ABCG8: variants seen among roughly 807,000 people sequenced by gnomAD.
ABCG8 encodes the protein ATP binding cassette subfamily G member 8.
Under a neutral mutation model 71.3 loss-of-function variants are expected in ABCG8, and 81 were observed. The ratio of observed to expected loss-of-function variants is 1.14; its 90% CI spans 0.95 to 1.37. ABCG8 has a LOEUF of 1.37. Among genes scored for constraint, ABCG8 ranks in the 40% most tolerant of loss-of-function variants. The pLI is 0.00. For missense variants in ABCG8, 1,119 were observed against 866.2 expected (o/e 1.29, Z -3.66); for synonymous variants, 451 against 354.7 (o/e 1.27, Z -3.05).
At chr2:43,861,820 C>T (rs1669330244) in intron 6 of ABCG8, among the ~76,000 whole-genome samples, 1 of 151,172 alleles carries the variant, frequency 6.6e-6, no homozygotes, top group African/African-American at 2.4e-5. Context: ...GGATAGAATT[C>T]TCACTCTCTG....
Position 43,881,231 on chromosome 2 carries a change from G to C in ABCG8, c.*3318G>C, listed in dbSNP as rs1351306469. ...AAAAGGGCAAAGTGCAAAGGCAGGAGGGATGGAGAAAATATAGCAGCTGCC... is the reference window on the plus strand; with the variant it reads ...AAAAGGGCAAAGTGCAAAGGCAGGACGGATGGAGAAAATATAGCAGCTGCC... On this transcript the variant is annotated 3_prime_UTR_variant, in exon 13 of 13. Coordinates refer to ENST00000272286, the MANE Select transcript of ABCG8 (RefSeq NM_022437.3). 3.3e-5 allele frequency: 5 copies of C among 152,278 alleles called. No individual in the cohort carries two copies. The allele number at this position is 152,278 out of a possible 1,614,324, so 9.4% of individuals were successfully genotyped here. A position where few individuals can be genotyped will look rare whatever the true frequency, so the allele number is the denominator to read the frequency against.
intron 6 of ABCG8, among the ~76,000 whole-genome samples, chr2:43,858,905 A>G (rs575572324): frequency 2.0e-5 from 3 of 151,594 alleles, no homozygotes; most frequent in African/African-American, 7.2e-5. Context: ...TCTGGATAGA[A>G]TTCTCACCCT....
Position 43,877,786 on chromosome 2 carries a change from T to G in ABCG8, c.1895T>G (p.Val632Gly), listed in dbSNP as rs6544718. 3.7e-6 allele frequency: 6 copies of G among 1,613,924 alleles called. No homozygotes were observed. Among genetic ancestry groups the G allele is most frequent in the Non-Finnish European group, 5.1e-6 (6 of 1,179,990 alleles). The change falls in exon 13 of 13, where the codon GTC becomes GGC. Residue 632 changes from valine (V) to glycine (G), a missense_variant. Coordinates refer to ENST00000272286, the MANE Select transcript of ABCG8 (RefSeq NM_022437.3). Reference sequence around the variant, plus strand: ...TGTCTGTGTCTCCAGATCCTCAGTGTCATGGAGCTGGACTCGTACCCTCTC... The same window carrying G: ...TGTCTGTGTCTCCAGATCCTCAGTGGCATGGAGCTGGACTCGTACCCTCTC... ...IAVSGDKILS[V>G]MELDSYPLYA...
At chr2:43,874,809 AGCAGAGGTTCAGAGAGGCT>A (rs1284774016) in intron 10 of ABCG8, among the ~76,000 whole-genome samples, 1 of 152,168 alleles carries the variant, frequency 6.6e-6, no homozygotes, top group African/African-American at 2.4e-5. Context: ...GTTTCCAGGA[AGCAGAGGTTCAGAGAGGCT>A]ACGTGGCTCT....
At chr2:43,839,180 C>G (rs1668469645) in intron 1 of ABCG8, 64 bp downstream of exon 1, 7 of 1,518,022 alleles carry the variant, frequency 4.6e-6, no homozygotes, top group South Asian at 1.2e-5. Flanking sequence ...AAACCTTTCT[C>G]TCTTCCCTCA....
At chr2:43,844,364 C>T (rs1422094616) in intron 1 of ABCG8, 143 bp from the exon 2 acceptor site, 1 of 692,554 alleles carries the variant, frequency 1.4e-6, no homozygotes, top group South Asian at 1.6e-5. Flanking sequence ...GAGGTTCCAC[C>T]TGTGCAATCC....
chr2:43,858,128 C>G (rs978263986), intron 6 of ABCG8, among the ~76,000 whole-genome samples: 1 of 151,490 alleles, frequency 6.6e-6, no homozygotes, highest in African/African-American at 2.4e-5. Context: ...ATAGAATTCT[C>G]AACATCTAGA....
intron 10 of ABCG8, 97 bp from the exon 11 acceptor site, chr2:43,875,049 G>C: frequency 1.3e-6 from 2 of 1,548,688 alleles, no homozygotes; most frequent in Non-Finnish European, 1.8e-6. Context: ...CACCAGGAGG[G>C]AAGGTTGCTA....
chr2:43,864,884 C>A (rs1486514468), intron 6 of ABCG8, among the ~76,000 whole-genome samples: 1 of 151,940 alleles, frequency 6.6e-6, no homozygotes. Flanking sequence ...TTCTCACTCT[C>A]TGGATACAAC....
chr2:43,849,726 A>G (rs1325522611), intron 3 of ABCG8, among the ~76,000 whole-genome samples: 2 of 152,086 alleles, frequency 1.3e-5, no homozygotes, highest in East Asian at 3.9e-4. Flanking sequence ...GTGTCCCTGG[A>G]GCCTGGCTCT....
intron 11 of ABCG8, 56 bp from the exon 12 acceptor site, chr2:43,877,505 G>A: frequency 6.2e-7 from 1 of 1,611,484 alleles, no homozygotes; most frequent in Non-Finnish European, 8.5e-7. Context: ...TGCGAATATG[G>A]GGAAACCATG....
At chr2:43,840,764 C>T (rs1488206550) in intron 1 of ABCG8, among the ~76,000 whole-genome samples, 1 of 152,144 alleles carries the variant, frequency 6.6e-6, no homozygotes, top group African/African-American at 2.4e-5. Context: ...ACAACCTGTC[C>T]CCCTTTTCTG....
chr2:43,857,870 T>C (rs1669167513), intron 6 of ABCG8, among the ~76,000 whole-genome samples: 1 of 151,628 alleles, frequency 6.6e-6, no homozygotes, highest in Non-Finnish European at 1.5e-5. Flanking sequence ...CTGTATGGAA[T>C]TCGCTATCTC....
rs1456531025 is a variant in ABCG8 at position 43,882,603 on chromosome 2, C to T, written c.*4690C>T. 7 of 152,346 alleles carry T rather than the reference C, an allele frequency of 4.6e-5. No homozygotes were observed. In the South Asian group the frequency reaches 1.0e-3, roughly 23 times the overall value. The allele number at this position is 152,346 out of a possible 1,614,324, so 9.4% of individuals were successfully genotyped here. A position where few individuals can be genotyped will look rare whatever the true frequency, so the allele number is the denominator to read the frequency against. On this transcript the variant is annotated 3_prime_UTR_variant, in exon 13 of 13. Coordinates refer to ENST00000272286, the MANE Select transcript of ABCG8 (RefSeq NM_022437.3). ...ATAATTCAGATTTCAAGTCATCTGT[C>T]ATTCGTACTTGATAATGATTTGTTC...
At chr2:43,874,179 G>C (rs1669877217) in intron 9 of ABCG8, among the ~76,000 whole-genome samples, 193 bp downstream of exon 9, 1 of 152,076 alleles carries the variant, frequency 6.6e-6, no homozygotes, top group South Asian at 2.1e-4. Context: ...TCCTATCCTA[G>C]CAGGATTTAT....
At chr2:43,849,020 C>T (rs1282395823) in intron 3 of ABCG8, among the ~76,000 whole-genome samples, 9 of 70,972 alleles carry the variant, frequency 1.3e-4, no homozygotes, top group Non-Finnish European at 2.3e-4. Context: ...AAAACACTGT[C>T]TAAAAAAAAA....
At chr2:43,857,265 TATCG>T (rs1669144712) in intron 6 of ABCG8, among the ~76,000 whole-genome samples, 1 of 151,860 alleles carries the variant, frequency 6.6e-6, no homozygotes, top group Non-Finnish European at 1.5e-5. Context: ...GAACTCTCAC[TATCG>T]GTCTGGATAA....
intron 1 of ABCG8, among the ~76,000 whole-genome samples, chr2:43,843,511 C>T (rs1358174487): frequency 6.6e-6 from 1 of 151,954 alleles, no homozygotes; most frequent in Non-Finnish European, 1.5e-5. Context: ...GAAACCCTGT[C>T]TCTACAAAAA....
intron 6 of ABCG8, 130 bp downstream of exon 6, chr2:43,852,998 T>A: frequency 8.5e-7 from 1 of 1,183,078 alleles, no homozygotes; most frequent in Non-Finnish European, 1.2e-6. Context: ...GGAGCAATGA[T>A]GGGGAAGAAC....
Sources: gnomAD v4.1 joint callset for allele counts (sites outside exome capture counted in the v4.1 genomes callset) on GRCh38, gnomAD v4.1.1 for gene constraint, MANE v1.5 for transcripts, NCBI Gene and HGNC (gene_info 2026-07-23, HGNC 2026-07-21) for gene names.